PLXNC1: variants seen among roughly 807,000 people sequenced by gnomAD.
PLXNC1 encodes the protein plexin-C1.
PLXNC1 carries 75 observed loss-of-function variants against 178.2 expected under a neutral mutation model. The ratio of observed to expected loss-of-function variants is 0.42; its 90% CI spans 0.35 to 0.51. The LOEUF (loss-of-function observed/expected upper bound fraction) is 0.51, where lower values mean the gene tolerates loss of function less well. Among genes scored for constraint, PLXNC1 ranks in the 20% least tolerant of loss-of-function variants. PLXNC1 has a pLI of 0.02. For missense variants in PLXNC1, 1,503 were observed against 1,984.4 expected, an observed-to-expected ratio of 0.76 and a Z score of 4.61; for synonymous variants, 790 against 779.9, an observed-to-expected ratio of 1.01 and a Z score of -0.22.
chr12:94,220,991 G>C (rs1335543384), intron 6 of PLXNC1, among the ~76,000 whole-genome samples: 1 of 152,208 alleles, frequency 6.6e-6, no homozygotes, highest in Non-Finnish European at 1.5e-5. Context: ...AGATACCAAA[G>C]GAGGCAGCCA....
chr12:94,186,466 C>CT lies in PLXNC1; in HGVS notation c.1433dup (p.Gln479ThrfsTer30). 1 of 1,606,702 alleles carries CT rather than the reference C, an allele frequency of 6.2e-7. No homozygotes were observed. The highest frequency in any genetic ancestry group is 8.5e-7 in the Non-Finnish European group (1 of 1,173,244). ...CCCTCACTGCGGTTGGTGCCATTCG[C>CT]TACAAAGGTATCTCCTGAATTCTTT... On this transcript the variant is annotated frameshift_variant, in exon 4 of 31. Coordinates refer to ENST00000258526, the MANE Select transcript of PLXNC1 (RefSeq NM_005761.3). LOFTEE classifies it high-confidence loss of function.
intron 23 of PLXNC1, among the ~76,000 whole-genome samples, chr12:94,287,319 G>A (rs1354585467): frequency 4.6e-5 from 7 of 152,212 alleles, no homozygotes; most frequent in Non-Finnish European, 4.4e-5. Flanking sequence ...GAAGGGGACT[G>A]TGCTTTGCTC....
intron 27 of PLXNC1, 79 bp downstream of exon 27, chr12:94,298,874 T>C (rs899277818): frequency 5.9e-5 from 80 of 1,346,490 alleles, no homozygotes; most frequent in Admixed American, 1.4e-4. Context: ...TAGATAGTTA[T>C]AGAAGGATTC....
chr12:94,268,880 C>T (rs974221661), intron 21 of PLXNC1, among the ~76,000 whole-genome samples: 2 of 152,100 alleles, frequency 1.3e-5, no homozygotes, highest in Non-Finnish European at 2.9e-5. Context: ...CAGGTGTGAG[C>T]AACTGCATCC....
chr12:94,187,715 A>G (rs552542194), intron 4 of PLXNC1, among the ~76,000 whole-genome samples: 11 of 152,296 alleles, frequency 7.2e-5, no homozygotes, highest in African/African-American at 2.4e-4. Context: ...ACAGGAGTCA[A>G]TTCGATAATG....
At chr12:94,279,404 T>C in intron 21 of PLXNC1, 68 bp from the exon 22 acceptor site, 1 of 1,418,088 alleles carries the variant, frequency 7.1e-7, no homozygotes, top group Non-Finnish European at 9.7e-7. Flanking sequence ...AAGGTTTGTG[T>C]CTTTTATGAA....
At chr12:94,154,004 A>C (rs1372527360) in intron 1 of PLXNC1, among the ~76,000 whole-genome samples, 1 of 152,186 alleles carries the variant, frequency 6.6e-6, no homozygotes, top group Non-Finnish European at 1.5e-5. Flanking sequence ...TATAGACTAG[A>C]TGGTGATTTT....
rs1366391695 is a variant in PLXNC1, at chr12:94,298,867, ATAGT to A, written c.4238+75_4238+78del. On this transcript the variant is annotated intron_variant, in intron 27 of 30. Coordinates refer to ENST00000258526, the MANE Select transcript of PLXNC1 (RefSeq NM_005761.3). ...AATATTAACTAAAAGAAAGACATAG[ATAGT>A]TATAGAAGGATTCATTTATCTCTAT... 2.5e-5 allele frequency: 35 copies of A among 1,394,190 alleles called. No homozygotes were observed. The South Asian group carries it at 3.8e-4, about 15-fold the overall frequency. The allele number at this position is 1,394,190 out of a possible 1,614,324, so 86.4% of individuals were successfully genotyped here.
chr12:94,207,852 A>T (rs1963346055), intron 4 of PLXNC1, among the ~76,000 whole-genome samples: 1 of 152,116 alleles, frequency 6.6e-6, no homozygotes, highest in Non-Finnish European at 1.5e-5. Flanking sequence ...TGGCAGCCTT[A>T]GGCTTTGACT....
chr12:94,170,682 G>T (rs1054380174), intron 2 of PLXNC1, among the ~76,000 whole-genome samples: 3 of 150,426 alleles, frequency 2.0e-5, no homozygotes, highest in Admixed American at 6.6e-5. Context: ...TGAGAAGGGG[G>T]CCATGAATTC....
intron 26 of PLXNC1, 74 bp from the exon 27 acceptor site, chr12:94,298,558 G>T: frequency 8.5e-7 from 1 of 1,183,370 alleles, no homozygotes; most frequent in Middle Eastern, 2.9e-4. Context: ...ATGTGGATTT[G>T]CTTTTGCTAT....
intron 4 of PLXNC1, among the ~76,000 whole-genome samples, chr12:94,207,528 A>G (rs921866907): frequency 6.6e-6 from 1 of 152,224 alleles, no homozygotes; most frequent in Non-Finnish European, 1.5e-5. Context: ...CTTTCATTCA[A>G]AAATATTTAT....
chr12:94,153,534 A>G (rs1253481868), intron 1 of PLXNC1, among the ~76,000 whole-genome samples: 10 of 152,224 alleles, frequency 6.6e-5, no homozygotes, highest in Non-Finnish European at 1.5e-4. Flanking sequence ...TGGCACACCA[A>G]CGTGATACAC....
At chr12:94,243,421 A>G (rs981549465) in intron 11 of PLXNC1, among the ~76,000 whole-genome samples, 3 of 152,224 alleles carry the variant, frequency 2.0e-5, no homozygotes, top group African/African-American at 7.2e-5. Flanking sequence ...TGTTATTTAT[A>G]CGGCGTACCA....
intron 4 of PLXNC1, among the ~76,000 whole-genome samples, chr12:94,205,144 C>T (rs975852065): frequency 6.6e-6 from 1 of 152,076 alleles, no homozygotes; most frequent in Non-Finnish European, 1.5e-5. Context: ...GGTCCCCCAG[C>T]CCGGCCCATG....
At chr12:94,232,741 T>G (rs1171447844) in intron 9 of PLXNC1, among the ~76,000 whole-genome samples, 1 of 152,208 alleles carries the variant, frequency 6.6e-6, no homozygotes, top group Non-Finnish European at 1.5e-5. Context: ...AATGCCAGAA[T>G]GTACTCAAAT....
At chr12:94,160,804 A>G (rs1002157481) in intron 1 of PLXNC1, among the ~76,000 whole-genome samples, 21 of 152,360 alleles carry the variant, frequency 1.4e-4, no homozygotes, top group African/African-American at 5.0e-4. Flanking sequence ...AAATAGATGT[A>G]ATATATTAAT....
At chr12:94,180,166 A>G (rs1332683924) in intron 2 of PLXNC1, among the ~76,000 whole-genome samples, 5 of 152,118 alleles carry the variant, frequency 3.3e-5, no homozygotes, top group African/African-American at 9.7e-5. Flanking sequence ...CTGTTTACAC[A>G]GGCCCACAAG....
chr12:94,275,551 C>A (rs116965131), intron 21 of PLXNC1, among the ~76,000 whole-genome samples: 1 of 152,214 alleles, frequency 6.6e-6, no homozygotes, highest in East Asian at 1.9e-4. Flanking sequence ...ACTGTACTTA[C>A]GCCTTAAGAA....
Sources: gnomAD v4.1 joint callset for allele counts (sites outside exome capture counted in the v4.1 genomes callset) on GRCh38, gnomAD v4.1.1 for gene constraint, MANE v1.5 for transcripts, NCBI Gene and HGNC (gene_info 2026-07-23, HGNC 2026-07-21) for gene names.